Variants in SDK1 observed in about 807,000 individuals in gnomAD.
SDK1 encodes the protein sidekick cell adhesion molecule 1.
In SDK1, 157 loss-of-function variants were observed where a neutral mutation model predicts 245.5. The ratio of observed to expected loss-of-function variants is 0.64; its 90% CI spans 0.56 to 0.73. The LOEUF (loss-of-function observed/expected upper bound fraction) is 0.73. Ranked by LOEUF, SDK1 falls within the 30% of genes least tolerant of loss-of-function variation. The probability of loss-of-function intolerance (pLI) is 0.00; values close to 1 mark genes in which losing one functional copy is unlikely to be tolerated. For synonymous variants in SDK1, 1,647 were observed against 1,278.5 expected (o/e 1.29, Z -6.15); for missense variants, 3,583 against 3,002.3 (o/e 1.19, Z -4.52).
chr7:3,611,435 A>G (rs1781584504), intron 1 of SDK1, among the ~76,000 whole-genome samples: 1 of 152,212 alleles, frequency 6.6e-6, no homozygotes, highest in Admixed American at 6.5e-5. Context: ...GGGTGGTGAC[A>G]AAAAGGGCAG....
chr7:3,651,023 C>G (rs978251179), intron 4 of SDK1, among the ~76,000 whole-genome samples: 1 of 151,296 alleles, frequency 6.6e-6, no homozygotes, highest in Non-Finnish European at 1.5e-5. Context: ...TATAAACATT[C>G]TTGTTCCTTT....
chr7:3,582,639 T>A (rs1156355018), intron 1 of SDK1, among the ~76,000 whole-genome samples: 1 of 135,506 alleles, frequency 7.4e-6, no homozygotes, highest in Non-Finnish European at 1.5e-5. Flanking sequence ...TGACATGAGC[T>A]TACATAACAA....
At chr7:3,522,586 G>A (rs1020726361) in intron 1 of SDK1, among the ~76,000 whole-genome samples, 8 of 152,048 alleles carry the variant, frequency 5.3e-5, no homozygotes, top group Admixed American at 2.0e-4. Context: ...GCCCTGATAT[G>A]TTTATTAAAT....
intron 14 of SDK1, among the ~76,000 whole-genome samples, chr7:3,987,567 G>T (rs895488853): frequency 6.6e-6 from 1 of 152,152 alleles, no homozygotes; most frequent in South Asian, 2.1e-4. Context: ...GGGCCCCATG[G>T]GAGGGCTGTG....
intron 5 of SDK1, among the ~76,000 whole-genome samples, chr7:3,946,726 G>C (rs1780591818): frequency 6.6e-6 from 1 of 152,176 alleles, no homozygotes; most frequent in East Asian, 1.9e-4. Context: ...GAGACAGTGA[G>C]GTCCAGGGAA....
rs530334223 is a variant in SDK1, at chr7:4,106,119, T to C, written c.3325-4544T>C. On this transcript the variant is annotated intron_variant, in intron 22 of 44. Transcript: ENST00000404826. ...TGATCCTGGCCCTGAAACTGTTTTA[T>C]GCTCAGCAAAACAACAGCCCTGTAG... 1.1e-3 allele frequency among the ~76,000 whole-genome samples: 174 copies of C among 152,198 alleles called. 3 individuals carry two copies. Among genetic ancestry groups the C allele is most frequent in the African/African-American group, 4.0e-3 (165 of 41,524 alleles).
intron 17 of SDK1, among the ~76,000 whole-genome samples, chr7:4,044,742 G>T (rs763663458): frequency 1.3e-5 from 2 of 152,246 alleles, no homozygotes; most frequent in South Asian, 2.1e-4. Context: ...ACCATGCCCT[G>T]CCTGCAGCAT....
intron 35 of SDK1, among the ~76,000 whole-genome samples, chr7:4,196,225 T>G (rs543997667): frequency 2.4e-4 from 36 of 152,262 alleles, no homozygotes; most frequent in Admixed American, 2.4e-3. Context: ...TCCAGGCCCT[T>G]GCCAACAGGT....
intron 4 of SDK1, among the ~76,000 whole-genome samples, chr7:3,656,758 T>C (rs897903738): frequency 6.6e-5 from 9 of 135,424 alleles, no homozygotes; most frequent in Non-Finnish European, 1.3e-4. Context: ...TTTTTTTTTT[T>C]GAGACGGAGT....
chr7:3,518,487 G>GA (rs5881988), intron 1 of SDK1, among the ~76,000 whole-genome samples: 38,992 of 145,854 alleles, frequency 0.27, 5,163 homozygotes, highest in East Asian at 0.34. Context: ...CATCTGAACA[G>GA]AAAAAAAAAA....
intron 37 of SDK1, 25 bp from the exon 38 acceptor site, chr7:4,210,000 G>C: frequency 6.5e-7 from 1 of 1,536,804 alleles, no homozygotes; most frequent in Non-Finnish European, 8.7e-7. Context: ...CCCTGTAAAA[G>C]TCACTTTGTG....
chr7:3,821,173 A>G (rs191177440), intron 4 of SDK1, among the ~76,000 whole-genome samples: 192 of 152,296 alleles, frequency 1.3e-3, no homozygotes, highest in African/African-American at 4.1e-3. Flanking sequence ...CTGGATGTCT[A>G]TGTTCCAGAA....
At chr7:3,546,021 A>C (rs1334451110) in intron 1 of SDK1, among the ~76,000 whole-genome samples, 4 of 152,214 alleles carry the variant, frequency 2.6e-5, no homozygotes, top group African/African-American at 9.6e-5. Context: ...ATTATTATGA[A>C]ATTGCTGAAA....
In SDK1 at chr7:3,655,826, C is replaced by T. The variant is rs570137651; in HGVS notation, c.713+13721C>T. On this transcript the variant is annotated intron_variant, in intron 4 of 44. Transcript: ENST00000404826. ...ACAGGTTTCAGTCCCGGCCCTGCCA[C>T]GTGGTCGCTGTGTGACCTTGGGAAG... Among the ~76,000 whole-genome samples the T allele has an allele frequency of 3.9e-5, 6 of 151,992 alleles. No individual in the cohort carries two copies. In the South Asian group the frequency reaches 6.2e-4, roughly 16 times the overall value.
intron 1 of SDK1, among the ~76,000 whole-genome samples, chr7:3,605,124 T>A (rs1781378486): frequency 8.3e-6 from 1 of 120,678 alleles, no homozygotes; most frequent in Non-Finnish European, 1.6e-5. Flanking sequence ...TCTATAGCAC[T>A]TGAGGAAAAA....
chr7:4,141,575 C>T (rs1779584971), intron 28 of SDK1, among the ~76,000 whole-genome samples: 2 of 152,310 alleles, frequency 1.3e-5, no homozygotes, highest in African/African-American at 4.8e-5. Flanking sequence ...TAATCACACA[C>T]AACTCTCCAA....
chr7:4,027,842 C>T (rs1187933863), intron 17 of SDK1, among the ~76,000 whole-genome samples: 6 of 152,040 alleles, frequency 3.9e-5, no homozygotes, highest in East Asian at 3.9e-4. Flanking sequence ...TGGCAGCAAA[C>T]GGTCCTGGTA....
intron 14 of SDK1, among the ~76,000 whole-genome samples, chr7:4,000,576 C>T (rs1022200315): frequency 2.0e-5 from 3 of 152,324 alleles, no homozygotes; most frequent in Non-Finnish European, 4.4e-5. Flanking sequence ...GTCTCCACGC[C>T]GCTCTCCATG....
At chr7:3,617,026 A>C (rs1451065818) in intron 1 of SDK1, among the ~76,000 whole-genome samples, 1 of 152,206 alleles carries the variant, frequency 6.6e-6, no homozygotes. Flanking sequence ...TTCACTGCCT[A>C]CTGACTGGGT....
Sources: gnomAD v4.1 joint callset for allele counts (sites outside exome capture counted in the v4.1 genomes callset) on GRCh38, gnomAD v4.1.1 for gene constraint, MANE v1.5 for transcripts, NCBI Gene and HGNC (gene_info 2026-07-23, HGNC 2026-07-21) for gene names.